Variants in PALD1 observed in about 807,000 individuals in gnomAD.
PALD1 encodes paladin.
Under a neutral mutation model 96.0 loss-of-function variants are expected in PALD1, and 57 were observed. The ratio of observed to expected loss-of-function variants is 0.59; its 90% CI spans 0.48 to 0.74. The LOEUF (loss-of-function observed/expected upper bound fraction) is 0.74, where lower values mean the gene tolerates loss of function less well. Ranked by LOEUF, PALD1 falls within the 30% of genes least tolerant of loss-of-function variation. The pLI, the probability that PALD1 is intolerant of heterozygous loss-of-function variation, is 0.00. For missense variants in PALD1, 1,063 were observed against 1,143.7 expected (o/e 0.93, Z 1.02); for synonymous variants, 464 against 473.6 (o/e 0.98, Z 0.26).
At chr10:70,512,672 G>A (rs1431880546) in intron 1 of PALD1, among the ~76,000 whole-genome samples, 2 of 152,240 alleles carry the variant, frequency 1.3e-5, no homozygotes, top group African/African-American at 4.8e-5. Context: ...AGGAAGCTCT[G>A]CAGGTTCTGG....
At chr10:70,532,268 C>T (rs1037376230) in intron 5 of PALD1, among the ~76,000 whole-genome samples, 4 of 152,190 alleles carry the variant, frequency 2.6e-5, no homozygotes, top group Admixed American at 6.5e-5. Context: ...GAGGCCATGC[C>T]GGCGCCCAGC....
chr10:70,539,225 C>A lies in PALD1; in HGVS notation c.1703C>A (p.Pro568His), dbSNP rs1847184823. 6.2e-7 allele frequency: 1 copy of A among 1,611,046 alleles called. No individual in the cohort carries two copies. Among genetic ancestry groups the A allele is most frequent in the African/African-American group, 1.3e-5 (1 of 75,042 alleles). Reference protein sequence around the residue: ...HTYSLRWPGPPVAPDQLETLE... With the variant: ...HTYSLRWPGPHVAPDQLETLE... ...TACAGCCTGCGGTGGCCTGGGCCCC[C>A]TGTGGCTCCTGACCAGCTGGAGGTG... The change falls in exon 14 of 20, where the codon CCT becomes CAT. Residue 568 changes from proline (P) to histidine (H), a missense_variant. Coordinates refer to ENST00000263563, the MANE Select transcript of PALD1 (RefSeq NM_014431.3). This position sits in a 1 kb window ranked among gnomAD's most constrained non-coding sequence, Gnocchi z 4.5.
chr10:70,534,556 G>C, intron 9 of PALD1, 32 bp downstream of exon 9: 1 of 1,484,150 alleles, frequency 6.7e-7, no homozygotes, highest in Non-Finnish European at 9.4e-7. Context: ...GCTGGGGCAG[G>C]GGTGGTGGAG....
intron 18 of PALD1, among the ~76,000 whole-genome samples, chr10:70,559,220 C>A (rs889284463): frequency 6.6e-6 from 1 of 151,962 alleles, no homozygotes; most frequent in African/African-American, 2.4e-5. Context: ...GTTGAACAGA[C>A]CTGAAGGAGG....
chr10:70,534,094 C>T (rs869574), intron 8 of PALD1, 21 bp downstream of exon 8: 190,814 of 1,563,636 alleles, frequency 0.12, 15,679 homozygotes, highest in East Asian at 0.46. Context: ...CGGGGCCCAG[C>T]GTCCTGAAGG....
At position 70,525,175 on chromosome 10, in the gene PALD1, ATT is replaced by A. The variant is rs35568945; in HGVS notation, c.-29-734_-29-733del. On this transcript the variant is annotated intron_variant, in intron 1 of 19. Coordinates refer to ENST00000263563, the MANE Select transcript of PALD1 (RefSeq NM_014431.3). ...TGCCACCATGCCTGGCTAATTTTGT[ATT>A]TTTTTTTTTTTTTAAGTAGAGATGG... Among the ~76,000 whole-genome samples the A allele has an allele frequency of 2.5e-3, 338 of 137,130 alleles. 3 individuals are homozygous for A. Among genetic ancestry groups the A allele is most frequent in the Non-Finnish European group, 3.7e-3 (233 of 62,838 alleles). 90.0% of individuals were successfully genotyped at this position (137,130 alleles called of 152,430 possible).
At position 70,531,293 on chromosome 10, in the gene PALD1, T is replaced by C. The variant is rs995356295; in HGVS notation, c.472T>C (p.Cys158Arg). The C allele has an allele frequency of 6.2e-7, 1 of 1,609,348 alleles. No individual in the cohort carries two copies. The highest frequency in any genetic ancestry group is 1.3e-5 in the African/African-American group (1 of 74,666). The change falls in exon 5 of 20, where the codon TGT becomes CGT. Residue 158 changes from cysteine (C) to arginine (R), a missense_variant. By Grantham distance (180) the Cys-to-Arg change is radical. Transcript: ENST00000263563. ...QKLQKDGHRE[C>R]VIFCVREEPV... ...TTCCCCCTCGGGCTCCTGGCAGGAG[T>C]GTGTCATCTTCTGTGTGCGGGAGGA...
intron 1 of PALD1, among the ~76,000 whole-genome samples, chr10:70,494,726 TA>T (rs1846160722): frequency 6.6e-6 from 1 of 152,192 alleles, no homozygotes; most frequent in Non-Finnish European, 1.5e-5. Flanking sequence ...TTTGGCAAGT[TA>T]GAGGGATTTC....
Position 70,532,755 on chromosome 10 carries a change from G to T in PALD1, c.768G>T (p.Arg256=), listed in dbSNP as rs751838960. 7 of 1,614,172 alleles carry T rather than the reference G, an allele frequency of 4.3e-6. No individual in the cohort carries two copies. The South Asian group carries it at 7.7e-5, about 18-fold the overall frequency. Reference sequence around the variant, plus strand: ...ATGTGACGGAGGAGGTGTACAAGCGGCCCCTCTTCCTGCAGCCCACCTACA... The same window carrying T: ...ATGTGACGGAGGAGGTGTACAAGCGTCCCCTCTTCCTGCAGCCCACCTACA... ...DLHVTEEVYK[R]PLFLQPTYRY... The change falls in exon 6 of 20, where the codon CGG becomes CGT. Residue 256 remains arginine (R), a synonymous_variant. Transcript: ENST00000263563.
At chr10:70,465,731 C>T in the PALD1 span, among the ~76,000 whole-genome samples, 1 of 152,114 alleles carries the variant, frequency 6.6e-6, no homozygotes, top group African/African-American at 2.4e-5. Context: ...GCTGCACAGG[C>T]TGAATGCAGA....
At chr10:70,464,939 T>TTGTATGTA in the PALD1 span, among the ~76,000 whole-genome samples, 597 of 142,240 alleles carry the variant, frequency 4.2e-3, 2 homozygotes, top group African/African-American at 8.2e-3. Flanking sequence ...CTATGTACAC[T>TTGTATGTA]TGTATGTATG....
At chr10:70,500,707 T>C (rs1846277114) in intron 1 of PALD1, among the ~76,000 whole-genome samples, 2 of 152,190 alleles carry the variant, frequency 1.3e-5, no homozygotes, top group African/African-American at 2.4e-5. Flanking sequence ...TCAGCCTCTC[T>C]GTGCCTCAGT....
rs1847215206 is a variant in PALD1, at chr10:70,540,274, T to C, written c.1908+512T>C. ...GGGGACTGTGTATGGAGTGTGTGGG[T>C]GGTGTGTGGAATGTGTGTGTGTGTG... On this transcript the variant is annotated intron_variant, in intron 15 of 19. Coordinates refer to ENST00000263563, the MANE Select transcript of PALD1 (RefSeq NM_014431.3). This position sits in a 1 kb window ranked among gnomAD's most constrained non-coding sequence, Gnocchi z 4.2. 6.6e-6 allele frequency among the ~76,000 whole-genome samples: 1 copy of C among 151,024 alleles called. No homozygotes were observed. The highest frequency in any genetic ancestry group is 2.1e-4 in the South Asian group (1 of 4,760).
chr10:70,534,082 C>A lies in PALD1; in HGVS notation c.1022+9C>A. ...ACCACCTCCCAGCCAGAGTGAGTGG[C>A]CCGGGGCCCAGCGTCCTGAAGGGCT... On this transcript the variant is annotated intron_variant, in intron 8 of 19. Transcript: ENST00000263563. The A allele has an allele frequency of 6.3e-7, 1 of 1,587,274 alleles. No homozygotes were observed. Among genetic ancestry groups the A allele is most frequent in the Non-Finnish European group, 8.6e-7 (1 of 1,164,414 alleles).
intron 17 of PALD1, among the ~76,000 whole-genome samples, chr10:70,543,047 C>A (rs540843723): frequency 1.3e-4 from 19 of 149,958 alleles, no homozygotes; most frequent in Non-Finnish European, 2.2e-4. Context: ...TGCTGGGAGC[C>A]ACTGTGCCCA....
At chr10:70,508,838 G>A (rs4746044) in intron 1 of PALD1, among the ~76,000 whole-genome samples, 21,655 of 48,488 alleles carry the variant, frequency 0.45, 2,375 homozygotes, top group East Asian at 0.63. Context: ...TGGGAGCTGC[G>A]GAACCTGTGT....
chr10:70,533,302 T>C (rs866070017), intron 7 of PALD1, among the ~76,000 whole-genome samples: 1 of 152,012 alleles, frequency 6.6e-6, no homozygotes, highest in Non-Finnish European at 1.5e-5. Context: ...TGTGTCTCTC[T>C]GTGTGTCTGT....
chr10:70,500,578 A>AT (rs1846274897), intron 1 of PALD1, among the ~76,000 whole-genome samples: 1 of 152,138 alleles, frequency 6.6e-6, no homozygotes, highest in African/African-American at 2.4e-5. Context: ...TCATCCTTTA[A>AT]GTCCCAGCTC....
At chr10:70,474,704 G>A (rs568759778), upstream of PALD1, among the ~76,000 whole-genome samples, 1 of 152,236 alleles carries the variant, frequency 6.6e-6, no homozygotes, top group East Asian at 1.9e-4. Context: ...TTTGAACCTT[G>A]TGTATGAATT....
Sources: gnomAD v4.1 joint callset for allele counts (sites outside exome capture counted in the v4.1 genomes callset) on GRCh38, gnomAD v4.1.1 for gene constraint, Gnocchi (gnomAD v3.1) non-coding constraint, MANE v1.5 for transcripts, NCBI Gene and HGNC (gene_info 2026-07-23, HGNC 2026-07-21) for gene names.